SRGAP3: variants seen among roughly 807,000 people sequenced by gnomAD.
SRGAP3 encodes SLIT-ROBO Rho GTPase-activating protein 3.
Under a neutral mutation model 121.1 loss-of-function variants are expected in SRGAP3, and 39 were observed. The ratio of observed to expected loss-of-function variants is 0.32; its 90% confidence interval spans 0.25 to 0.42. The LOEUF (loss-of-function observed/expected upper bound fraction) is 0.42. Among genes scored for constraint, SRGAP3 ranks in the 10% least tolerant of loss-of-function variants. SRGAP3 has a pLI of 1.00. For synonymous variants in SRGAP3, 601 were observed against 570.0 expected (o/e 1.05, Z -0.77); for missense variants, 1,213 against 1,470.6 (o/e 0.82, Z 2.86).
intron 3 of SRGAP3, among the ~76,000 whole-genome samples, chr3:9,092,381 T>C (rs1459183545): frequency 6.6e-6 from 1 of 152,166 alleles, no homozygotes; most frequent in Non-Finnish European, 1.5e-5. Flanking sequence ...ATACATACCA[T>C]TGTGGATAAT....
At chr3:9,240,399 T>C (rs999955272) in intron 1 of SRGAP3, among the ~76,000 whole-genome samples, 2 of 152,044 alleles carry the variant, frequency 1.3e-5, no homozygotes, top group Admixed American at 1.3e-4. Flanking sequence ...CCCTTCCTAA[T>C]AGCTGTGAAG....
chr3:9,196,176 C>T (rs1239217517), intron 1 of SRGAP3, among the ~76,000 whole-genome samples: 2 of 152,212 alleles, frequency 1.3e-5, no homozygotes, highest in Non-Finnish European at 2.9e-5. Flanking sequence ...AAACCAACAA[C>T]CATGCATTTG....
At chr3:9,190,410 C>T (rs918396074) in intron 1 of SRGAP3, among the ~76,000 whole-genome samples, 4 of 152,156 alleles carry the variant, frequency 2.6e-5, no homozygotes, top group Admixed American at 1.3e-4. Context: ...AGATAGGTTT[C>T]GCCATGGTCT....
intron 2 of SRGAP3, among the ~76,000 whole-genome samples, chr3:9,120,383 A>G (rs1201892633): frequency 1.3e-5 from 2 of 152,198 alleles, no homozygotes; most frequent in African/African-American, 4.8e-5. Context: ...CCTCAGCCAT[A>G]CCAACTACCA....
chr3:9,192,582 T>A (rs1951786687), intron 1 of SRGAP3: 1 of 152,282 alleles, frequency 6.6e-6, no homozygotes. Flanking sequence ...AACTGGAAAT[T>A]TATGCCTGGT....
intron 11 of SRGAP3, chr3:9,033,759 T>C (rs988396464): frequency 6.6e-6 from 1 of 152,226 alleles, no homozygotes; most frequent in Non-Finnish European, 1.5e-5. Flanking sequence ...TTCAAATCCA[T>C]TATTATACTT....
chr3:9,088,499 T>C (rs1947595122), intron 3 of SRGAP3, among the ~76,000 whole-genome samples: 1 of 152,144 alleles, frequency 6.6e-6, no homozygotes, highest in Non-Finnish European at 1.5e-5. Flanking sequence ...CTCTGTCCTG[T>C]GTATAGGATG....
At chr3:9,190,899 C>A (rs989884743) in intron 1 of SRGAP3, among the ~76,000 whole-genome samples, 11 of 152,186 alleles carry the variant, frequency 7.2e-5, no homozygotes, top group Admixed American at 7.2e-4. Context: ...CTCAGCCAGT[C>A]ACCCCTTTGT....
chr3:9,258,629 C>T (rs991161468), intron 3 of SRGAP3, among the ~76,000 whole-genome samples: 3 of 152,216 alleles, frequency 2.0e-5, no homozygotes, highest in African/African-American at 7.2e-5. Flanking sequence ...ACTGAAAATA[C>T]TGGCGACTTT....
chr3:9,131,618 T>C (rs1949451202), intron 1 of SRGAP3, among the ~76,000 whole-genome samples: 1 of 151,928 alleles, frequency 6.6e-6, no homozygotes, highest in Admixed American at 6.6e-5. Context: ...ATTTTTGTAT[T>C]TTTAGTAGAA....
chr3:9,285,422 G>T (rs984865222), intron 3 of SRGAP3, among the ~76,000 whole-genome samples: 4 of 152,124 alleles, frequency 2.6e-5, no homozygotes, highest in African/African-American at 9.7e-5. Flanking sequence ...GGCCATAAAA[G>T]AATTCTCCAA....
intron 9 of SRGAP3, among the ~76,000 whole-genome samples, chr3:9,048,176 A>G (rs1418038557): frequency 6.6e-6 from 1 of 152,388 alleles, no homozygotes; most frequent in Non-Finnish European, 1.5e-5. Flanking sequence ...ACCTCAGAGC[A>G]GTACTGAGGG....
chr3:9,042,910 C>A (rs1945088830), intron 10 of SRGAP3, among the ~76,000 whole-genome samples: 1 of 152,174 alleles, frequency 6.6e-6, no homozygotes, highest in African/African-American at 2.4e-5. Context: ...TTCTGACTCA[C>A]CACATCCTTT....
intron 3 of SRGAP3, among the ~76,000 whole-genome samples, chr3:9,309,412 A>G (rs1297609627): frequency 6.6e-6 from 1 of 152,162 alleles, no homozygotes; most frequent in African/African-American, 2.4e-5. Flanking sequence ...AACCTTGACA[A>G]TAATACCCCT....
chr3:9,276,262 G>A (rs999014151), intron 3 of SRGAP3, among the ~76,000 whole-genome samples: 6 of 152,050 alleles, frequency 3.9e-5, no homozygotes, highest in Non-Finnish European at 8.8e-5. Context: ...AAGCTCTGGG[G>A]CTGAGATAAA....
intron 18 of SRGAP3, among the ~76,000 whole-genome samples, chr3:9,009,892 C>G (rs1943274583): frequency 6.6e-6 from 1 of 152,178 alleles, no homozygotes; most frequent in South Asian, 2.1e-4. Flanking sequence ...ACTGGGAGTT[C>G]CTCAAGGACC....
chr3:9,203,406 T>C (rs182187911), intron 1 of SRGAP3, among the ~76,000 whole-genome samples: 2 of 152,370 alleles, frequency 1.3e-5, no homozygotes, highest in Admixed American at 1.3e-4. Flanking sequence ...ACAGTTATCC[T>C]GAGAGTTCAC....
intron 3 of SRGAP3, among the ~76,000 whole-genome samples, chr3:9,260,835 A>G (rs943623272): frequency 9.9e-5 from 15 of 152,238 alleles, no homozygotes; most frequent in Admixed American, 7.9e-4. Flanking sequence ...CTCCCAGCAC[A>G]GTGCTTGAGC....
chr3:9,147,497 C>A (rs1950066411), intron 1 of SRGAP3, among the ~76,000 whole-genome samples: 1 of 152,010 alleles, frequency 6.6e-6, no homozygotes, highest in African/African-American at 2.4e-5. Flanking sequence ...CAACCTGAGC[C>A]CCGGACTAGG....
Sources: allele counts gnomAD v4.1 joint callset (sites outside exome capture counted in the v4.1 genomes callset), GRCh38; gene constraint gnomAD v4.1.1; transcripts MANE v1.5; gene names NCBI Gene and HGNC (gene_info 2026-07-23, HGNC 2026-07-21).